Variants in TRERF1 observed in about 807,000 individuals in gnomAD.
The protein encoded by TRERF1 is transcriptional regulating factor 1.
In TRERF1, 27 loss-of-function variants were observed where a neutral mutation model predicts 122.9. The ratio of observed to expected loss-of-function variants is 0.22; its 90% CI spans 0.16 to 0.30. The LOEUF (loss-of-function observed/expected upper bound fraction) is 0.30. TRERF1 is among the 10% of genes least tolerant of loss of function. The probability of loss-of-function intolerance (pLI) is 1.00; values close to 1 mark genes in which losing one functional copy is unlikely to be tolerated. For missense variants in TRERF1, 1,248 were observed against 1,560.3 expected, an observed-to-expected ratio of 0.80 and a Z score of 3.37; for synonymous variants, 636 against 641.7, an observed-to-expected ratio of 0.99 and a Z score of 0.13.
intron 3 of TRERF1, among the ~76,000 whole-genome samples, chr6:42,350,423 C>T (rs748618912): frequency 3.7e-4 from 56 of 152,344 alleles, no homozygotes; most frequent in Non-Finnish European, 6.5e-4. Context: ...GGCCAGATGG[C>T]CCCTGAGGCC....
chr6:42,282,772 C>T lies in TRERF1; in HGVS notation c.-258-12924G>A, dbSNP rs560324794. On this transcript the variant is annotated intron_variant, in intron 4 of 17. Transcript: ENST00000372922. Reference sequence around the variant, plus strand: ...TGATTTTTGTTAGTTGTGGTAGTTACATCCTATAAAGTCTCTATGATCACT... The same window carrying T: ...TGATTTTTGTTAGTTGTGGTAGTTATATCCTATAAAGTCTCTATGATCACT... Among the ~76,000 whole-genome samples, 57 of 152,254 alleles carry T rather than the reference C, an allele frequency of 3.7e-4. 1 individual carries two copies. The South Asian group carries it at 0.012, about 31-fold the overall frequency.
intron 14 of TRERF1, among the ~76,000 whole-genome samples, chr6:42,244,433 C>T (rs970760405): frequency 9.2e-5 from 14 of 152,220 alleles, no homozygotes; most frequent in Non-Finnish European, 1.8e-4. Context: ...ATCCGCCTGC[C>T]TTGGCCTCCC....
chr6:42,330,818 C>T (rs1461506019), intron 3 of TRERF1, among the ~76,000 whole-genome samples: 11 of 152,110 alleles, frequency 7.2e-5, no homozygotes, highest in Non-Finnish European at 1.5e-5. Flanking sequence ...AGGTGCATGC[C>T]ATGGTGCCCA....
In TRERF1 at chr6:42,376,824, A is replaced by G. The variant is rs181461212; in HGVS notation, c.-453-13745T>C. On this transcript the variant is annotated intron_variant, in intron 2 of 17. Transcript: ENST00000372922. ...CCAAAGTGCTGGGATTACAGGCGTG[A>G]GCCACCGCACCTGGCCTCCTCTAGC... Among the ~76,000 whole-genome samples, 53 of 151,876 alleles carry G rather than the reference A, an allele frequency of 3.5e-4. No homozygotes were observed. The East Asian group carries it at 8.5e-3, about 24-fold the overall frequency.
intron 15 of TRERF1, 34 bp downstream of exon 15, chr6:42,243,214 C>A: frequency 6.3e-7 from 1 of 1,578,948 alleles, no homozygotes; most frequent in Non-Finnish European, 8.7e-7. Context: ...GGGAGCTGTC[C>A]CAGCACAAGC....
chr6:42,356,320 A>C (rs571805497), intron 3 of TRERF1, among the ~76,000 whole-genome samples: 1 of 152,320 alleles, frequency 6.6e-6, no homozygotes, highest in South Asian at 2.1e-4. Flanking sequence ...TGCCATTCGG[A>C]GATGAGGTCT....
At position 42,428,855 on chromosome 6, in the gene TRERF1, C is replaced by G. The variant is rs144814843; in HGVS notation, c.-454+22322G>C. 3.3e-5 allele frequency among the ~76,000 whole-genome samples: 5 copies of G among 152,290 alleles called. No homozygotes were observed. The East Asian group carries it at 9.7e-4, about 29-fold the overall frequency. On this transcript the variant is annotated intron_variant, in intron 2 of 17. Transcript: ENST00000372922. ...ATGAAGCCCTGCCTCCCTCTCCCTCCCTTCCACACATTAATTATTCCCAGC... is the reference window on the plus strand; with the variant it reads ...ATGAAGCCCTGCCTCCCTCTCCCTCGCTTCCACACATTAATTATTCCCAGC...
chr6:42,371,061 G>A lies in TRERF1; in HGVS notation c.-453-7982C>T, dbSNP rs1040068797. ...GAAACTCTTTAGATGGAGTGCAAAC[G>A]GTGGGATTCTCCACAGTCCCCACGG... On this transcript the variant is annotated intron_variant, in intron 2 of 17. Transcript: ENST00000372922. Among the ~76,000 whole-genome samples, 9 of 152,102 alleles carry A rather than the reference G, an allele frequency of 5.9e-5. No individual in the cohort carries two copies. The East Asian group carries it at 7.7e-4, about 13-fold the overall frequency.
intron 15 of TRERF1, among the ~76,000 whole-genome samples, chr6:42,242,013 T>C (rs978682895): frequency 2.0e-5 from 3 of 152,186 alleles, no homozygotes; most frequent in African/African-American, 7.2e-5. Context: ...GAGGATTGCT[T>C]GAGCCCAAGA....
intron 3 of TRERF1, among the ~76,000 whole-genome samples, chr6:42,304,447 C>T (rs115702582): frequency 0.011 from 1,704 of 152,318 alleles, 8 homozygotes; most frequent in Non-Finnish European, 0.016. Context: ...TAAGTGGCAG[C>T]TGTTGCTAGC....
chr6:42,422,039 C>T (rs924430386), intron 2 of TRERF1, among the ~76,000 whole-genome samples: 2 of 150,584 alleles, frequency 1.3e-5, no homozygotes, highest in Admixed American at 6.6e-5. Flanking sequence ...GGCGTGGTGG[C>T]GTGCACCTGT....
rs1351610675 is a variant in TRERF1 at position 42,228,348 on chromosome 6, T to C, written c.3600A>G (p.Leu1200=). The C allele has an allele frequency of 1.9e-6, 3 of 1,609,946 alleles. No homozygotes were observed. Among genetic ancestry groups the C allele is most frequent in the Non-Finnish European group, 1.7e-6 (2 of 1,177,346 alleles). Residue 1200 remains leucine (L), a synonymous_variant, in exon 18 of 18, where the codon CTA becomes CTG. Transcript: ENST00000372922. This position sits in a 1 kb window ranked among gnomAD's most constrained non-coding sequence, Gnocchi z 4.2. ...TCTCTAAGTGACACACAGGGCTTTA[T>C]AGTTCTGCGTCACCCTGAAGCAAGA...
At chr6:42,380,890 C>G (rs1258229567) in intron 2 of TRERF1, among the ~76,000 whole-genome samples, 1 of 152,214 alleles carries the variant, frequency 6.6e-6, no homozygotes, top group East Asian at 1.9e-4. Flanking sequence ...CACTCTCCCT[C>G]CTGCCTCCTC....
At chr6:42,323,732 A>T (rs1234476187) in intron 3 of TRERF1, among the ~76,000 whole-genome samples, 1 of 152,212 alleles carries the variant, frequency 6.6e-6, no homozygotes, top group African/African-American at 2.4e-5. Flanking sequence ...ATGTCTTAGC[A>T]GGTTTTCCTA....
chr6:42,262,434 C>CAGAG lies in TRERF1; in HGVS notation c.1884+882_1884+885dup, dbSNP rs71778190. ...ACACAGGTCACAAATTCCCTAGGGG[C>CAGAG]AGAGAGAGAGAGAGAGAGAGAGAGA... On this transcript the variant is annotated intron_variant, in intron 8 of 17. Transcript: ENST00000372922. Among the ~76,000 whole-genome samples the CAGAG allele has an allele frequency of 4.9e-3, 111 of 22,542 alleles. 6 individuals carry two copies. Among genetic ancestry groups the CAGAG allele is most frequent in the African/African-American group, 0.013 (58 of 4,552 alleles). 14.8% of individuals were successfully genotyped at this position (22,542 alleles called of 152,430 possible).
chr6:42,337,428 G>A (rs1013714665), intron 3 of TRERF1, among the ~76,000 whole-genome samples: 2 of 152,122 alleles, frequency 1.3e-5, no homozygotes, highest in African/African-American at 4.8e-5. Flanking sequence ...TTTTTCTCTG[G>A]GTTCAGGAAC....
intron 3 of TRERF1, among the ~76,000 whole-genome samples, chr6:42,334,628 C>G (rs1765819863): frequency 6.6e-6 from 1 of 152,176 alleles, no homozygotes; most frequent in African/African-American, 2.4e-5. Context: ...ACAGGGTGGA[C>G]CTGTGAGAGG....
At chr6:42,436,004 G>A (rs1785285780) in intron 2 of TRERF1, among the ~76,000 whole-genome samples, 2 of 151,488 alleles carry the variant, frequency 1.3e-5, no homozygotes, top group South Asian at 4.2e-4. Flanking sequence ...AAATAAATAA[G>A]TTATGGGACC....
rs549434418 is a variant in TRERF1, at chr6:42,401,751, G to A, written c.-453-38672C>T. Among the ~76,000 whole-genome samples, 3 of 152,268 alleles carry A rather than the reference G, an allele frequency of 2.0e-5. No individual in the cohort carries two copies. The South Asian group carries it at 6.2e-4, about 32-fold the overall frequency. On this transcript the variant is annotated intron_variant, in intron 2 of 17. Transcript: ENST00000372922. ...CCACCTGCAAGAGGGAACATGCTGT[G>A]CCTGGGAGTCTTGTCTTTTCAGTTC...
Sources: gnomAD v4.1 joint callset for allele counts (sites outside exome capture counted in the v4.1 genomes callset) on GRCh38, gnomAD v4.1.1 for gene constraint, Gnocchi (gnomAD v3.1) non-coding constraint, MANE v1.5 for transcripts, NCBI Gene and HGNC (gene_info 2026-07-23, HGNC 2026-07-21) for gene names.